BTBD9: variants seen among roughly 807,000 people sequenced by gnomAD.
The protein encoded by BTBD9 is BTB/POZ domain-containing protein 9.
Under a neutral mutation model 64.3 loss-of-function variants are expected in BTBD9, and 49 were observed. That is an observed-to-expected ratio of 0.76 (90% confidence interval 0.61 to 0.97). BTBD9 has a LOEUF of 0.97. Among genes scored for constraint, BTBD9 ranks in the 50% least tolerant of loss-of-function variants. The pLI is 0.00. For synonymous variants in BTBD9, 260 were observed against 274.7 expected, an observed-to-expected ratio of 0.95 and a Z score of 0.53; for missense variants, 598 against 762.1, an observed-to-expected ratio of 0.78 and a Z score of 2.53.
chr6:38,568,525 A>G (rs1775620857), intron 6 of BTBD9, among the ~76,000 whole-genome samples: 1 of 152,130 alleles, frequency 6.6e-6, no homozygotes, highest in African/African-American at 2.4e-5. Context: ...GCTCATATTT[A>G]GAAGCCCTCA....
intron 4 of BTBD9, among the ~76,000 whole-genome samples, chr6:38,585,043 T>C (rs777110661): frequency 1.6e-4 from 24 of 150,134 alleles, no homozygotes; most frequent in Admixed American, 4.0e-4. Flanking sequence ...GGGACCGTCA[T>C]CCTATTAAAT....
At chr6:38,619,683 A>G (rs188300192) in intron 1 of BTBD9, among the ~76,000 whole-genome samples, 1 of 152,206 alleles carries the variant, frequency 6.6e-6, no homozygotes, top group African/African-American at 2.4e-5. Flanking sequence ...GAGGGCCAGG[A>G]AATTGACTGT....
rs1416745165 is a variant in BTBD9, at chr6:38,400,521, T to G, written c.1155-55428A>C. Among the ~76,000 whole-genome samples the G allele has an allele frequency of 2.0e-5, 3 of 152,308 alleles. No individual in the cohort carries two copies. The East Asian group carries it at 5.8e-4, about 29-fold the overall frequency. On this transcript the variant is annotated intron_variant, in intron 6 of 10. Coordinates refer to ENST00000481247, the MANE Select transcript of BTBD9 (RefSeq NM_001099272.2). ...ATCTAGCATGATTAACCACCCTTTC[T>G]CCCCAAAAGCCTTCTTTCCTCCGCC...
At chr6:38,500,763 T>C (rs1772159605) in intron 6 of BTBD9, among the ~76,000 whole-genome samples, 1 of 152,218 alleles carries the variant, frequency 6.6e-6, no homozygotes, top group Non-Finnish European at 1.5e-5. Context: ...ATCAAAAGTC[T>C]TAAAGGCTTA....
chr6:38,276,516 T>TA (rs1421849813), intron 8 of BTBD9, among the ~76,000 whole-genome samples: 5 of 151,626 alleles, frequency 3.3e-5, no homozygotes, highest in Non-Finnish European at 7.4e-5. Flanking sequence ...AAATAAAAAA[T>TA]AAAAAAAAGA....
At position 38,412,568 on chromosome 6, in the gene BTBD9, A is replaced by G. The variant is rs559732936; in HGVS notation, c.1155-67475T>C. Among the ~76,000 whole-genome samples, 7 of 152,056 alleles carry G rather than the reference A, an allele frequency of 4.6e-5. No individual in the cohort carries two copies. The South Asian group carries it at 1.5e-3, about 32-fold the overall frequency. ...CATTTGGACTACATTAAAAAAAAAA[A>G]AAAAGTCTGACCAGGTGCGGTGGCT... On this transcript the variant is annotated intron_variant, in intron 6 of 10. Transcript: ENST00000481247.
At chr6:38,322,148 C>A (rs766206381) in intron 7 of BTBD9, among the ~76,000 whole-genome samples, 1 of 152,148 alleles carries the variant, frequency 6.6e-6, no homozygotes, top group South Asian at 2.1e-4. Context: ...TCAGTCAGTG[C>A]AGCAAAATCA....
chr6:38,608,120 T>C (rs1212796516), intron 1 of BTBD9, among the ~76,000 whole-genome samples: 3 of 152,186 alleles, frequency 2.0e-5, no homozygotes, highest in Non-Finnish European at 2.9e-5. Context: ...TTACTTCTCA[T>C]TTGCTCTAGT....
Position 38,611,579 on chromosome 6 carries a change from C to T in BTBD9, c.-27-13458G>A, listed in dbSNP as rs375032911. Among the ~76,000 whole-genome samples the T allele has an allele frequency of 2.0e-5, 3 of 152,214 alleles. No homozygotes were observed. In the East Asian group the frequency reaches 5.8e-4, roughly 29 times the overall value. On this transcript the variant is annotated intron_variant, in intron 1 of 10. Coordinates refer to ENST00000481247, the MANE Select transcript of BTBD9 (RefSeq NM_001099272.2). ...AATTAGCTAAATATGTGTCCAAATGCAAATCCTGGAGGGCAGTGACTAGGT... is the reference window on the plus strand; with the variant it reads ...AATTAGCTAAATATGTGTCCAAATGTAAATCCTGGAGGGCAGTGACTAGGT...
At chr6:38,587,818 G>A in intron 4 of BTBD9, 5 of 716,198 alleles carry the variant, frequency 7.0e-6, no homozygotes, top group Non-Finnish European at 1.3e-5. Flanking sequence ...GGTTATGGCA[G>A]CAAGTATGTC....
chr6:38,484,366 A>C (rs754019316), intron 6 of BTBD9, among the ~76,000 whole-genome samples: 10 of 152,376 alleles, frequency 6.6e-5, no homozygotes, highest in Non-Finnish European at 1.2e-4. Flanking sequence ...TAGAGTAGAT[A>C]AAATGTGGGT....
chr6:38,313,086 A>G (rs1204926243), intron 7 of BTBD9, among the ~76,000 whole-genome samples: 1 of 152,060 alleles, frequency 6.6e-6, no homozygotes, highest in Non-Finnish European at 1.5e-5. Flanking sequence ...TCTTTCACCA[A>G]TGTTTTATAG....
intron 1 of BTBD9, among the ~76,000 whole-genome samples, chr6:38,623,180 A>G (rs62396375): frequency 0.057 from 8,723 of 152,160 alleles, 407 homozygotes; most frequent in East Asian, 0.25. Flanking sequence ...CTTATGTGGA[A>G]TGTCAACCTA....
intron 6 of BTBD9, among the ~76,000 whole-genome samples, chr6:38,530,448 G>A (rs944331047): frequency 1.3e-5 from 2 of 152,022 alleles, no homozygotes; most frequent in Non-Finnish European, 2.9e-5. Flanking sequence ...AAACTTGCTG[G>A]TCTGAGACTC....
chr6:38,435,229 T>C (rs1020376820), intron 6 of BTBD9, among the ~76,000 whole-genome samples: 2 of 151,616 alleles, frequency 1.3e-5, no homozygotes, highest in African/African-American at 2.4e-5. Flanking sequence ...TAATATTCCC[T>C]ATGTTCCATA....
chr6:38,238,103 T>C (rs982757631), intron 9 of BTBD9, among the ~76,000 whole-genome samples: 1 of 152,232 alleles, frequency 6.6e-6, no homozygotes, highest in Non-Finnish European at 1.5e-5. Flanking sequence ...AGCAGGACTT[T>C]GTCTCTTAAA....
At chr6:38,413,897 G>C (rs758168907) in intron 6 of BTBD9, among the ~76,000 whole-genome samples, 22 of 152,038 alleles carry the variant, frequency 1.4e-4, no homozygotes, top group Admixed American at 2.0e-4. Flanking sequence ...TCCATAAAAT[G>C]GTTGTAATAA....
chr6:38,258,054 C>T (rs376368642), intron 8 of BTBD9, among the ~76,000 whole-genome samples: 3 of 151,916 alleles, frequency 2.0e-5, no homozygotes, highest in East Asian at 1.9e-4. Context: ...GGCGCGATCT[C>T]GGCTCATTGC....
chr6:38,355,183 C>T (rs185391352), intron 6 of BTBD9, among the ~76,000 whole-genome samples: 4 of 152,264 alleles, frequency 2.6e-5, no homozygotes, highest in South Asian at 4.2e-4. Context: ...AATAGCAAGA[C>T]GCTCCAAGTG....
Sources: gnomAD v4.1 joint callset for allele counts (sites outside exome capture counted in the v4.1 genomes callset) on GRCh38, gnomAD v4.1.1 for gene constraint, MANE v1.5 for transcripts, NCBI Gene and HGNC (gene_info 2026-07-23, HGNC 2026-07-21) for gene names.